Variants in MCF2L observed in about 807,000 individuals in gnomAD.
MCF2L encodes guanine nucleotide exchange factor DBS.
A neutral mutation model predicts 153.4 loss-of-function variants in MCF2L; 97 were observed. That is an observed-to-expected ratio of 0.63 (90% CI 0.54 to 0.75). The LOEUF is 0.75. Ranked by LOEUF, MCF2L falls within the 30% of genes least tolerant of loss-of-function variation. MCF2L has a pLI of 0.00. For synonymous variants in MCF2L, 659 were observed against 632.2 expected (o/e 1.04, Z -0.64); for missense variants, 1,347 against 1,495.2 (o/e 0.90, Z 1.64).
Position 113,027,002 on chromosome 13 carries a change from G to A in MCF2L, c.278+2244G>A. ...GAGAATGTCAGCCTCACACCAGACA[G>A]TGTAGTTGCTGCTTCCATTTGGGGT... On this transcript the variant is annotated intron_variant, in intron 3 of 29. Coordinates refer to ENST00000535094, the MANE Select transcript of MCF2L (RefSeq NM_001112732.3). This position sits in a 1 kb window ranked among gnomAD's most constrained non-coding sequence, Gnocchi z 4.8. The A allele has an allele frequency of 1.3e-6, 1 of 779,060 alleles. No homozygotes were observed. The highest frequency in any genetic ancestry group is 1.3e-5 in the South Asian group (1 of 74,338). The allele number at this position is 779,060 out of a possible 1,614,324, so 48.3% of individuals were successfully genotyped here.
intron 2 of MCF2L, among the ~76,000 whole-genome samples, chr13:112,929,268 C>T (rs1006557577): frequency 2.6e-5 from 4 of 152,184 alleles, no homozygotes; most frequent in Non-Finnish European, 5.9e-5. Flanking sequence ...GGGGTGTTTG[C>T]TCTTTATTCC....
At chr13:112,918,373 G>C (rs114100665) in intron 2 of MCF2L, among the ~76,000 whole-genome samples, 100 of 152,336 alleles carry the variant, frequency 6.6e-4, no homozygotes, top group African/African-American at 2.2e-3. Context: ...GGGAACTCCA[G>C]TAGACTGGGA....
At chr13:112,994,589 G>A (rs764536230) in intron 1 of MCF2L, among the ~76,000 whole-genome samples, 1 of 152,262 alleles carries the variant, frequency 6.6e-6, no homozygotes, top group African/African-American at 2.4e-5. Flanking sequence ...GCTGGTCAGG[G>A]ATGTGGCTGC....
At chr13:113,095,084 T>C (rs1358891024) in intron 27 of MCF2L, 2 of 1,363,270 alleles carry the variant, frequency 1.5e-6, no homozygotes, top group Non-Finnish European at 9.8e-7. Context: ...TTCCTAACTA[T>C]ACATACAATT....
chr13:112,992,779 G>C (rs2082943574), intron 1 of MCF2L, among the ~76,000 whole-genome samples: 1 of 152,156 alleles, frequency 6.6e-6, no homozygotes, highest in Non-Finnish European at 1.5e-5. Context: ...ATTGCATTAG[G>C]TCTCCTATAC....
chr13:112,963,552 G>A (rs1158135902), intron 2 of MCF2L, among the ~76,000 whole-genome samples: 2 of 152,196 alleles, frequency 1.3e-5, no homozygotes, highest in African/African-American at 4.8e-5. Context: ...CCCTGCACCT[G>A]TGTCTCCAGC....
At chr13:112,895,010 C>T (rs1421273208) in intron 1 of MCF2L, among the ~76,000 whole-genome samples, 3 of 152,052 alleles carry the variant, frequency 2.0e-5, no homozygotes, top group South Asian at 2.1e-4. Context: ...CCTGCTTGTC[C>T]CGGGCCAGGG....
intron 16 of MCF2L, among the ~76,000 whole-genome samples, chr13:113,081,948 G>A (rs1406894105): frequency 6.7e-6 from 1 of 150,264 alleles, no homozygotes; most frequent in Non-Finnish European, 1.5e-5. Context: ...TCACCTGAGT[G>A]TAGACAGCGA....
intron 2 of MCF2L, chr13:112,909,411 G>A: frequency 1.4e-6 from 1 of 733,530 alleles, no homozygotes; most frequent in Non-Finnish European, 2.5e-6. Context: ...GGGGCTGTCT[G>A]CAGGGGTTTG....
At chr13:112,933,532 G>A (rs1477059571) in intron 2 of MCF2L, among the ~76,000 whole-genome samples, 1 of 152,242 alleles carries the variant, frequency 6.6e-6, no homozygotes, top group Non-Finnish European at 1.5e-5. Context: ...GACAGCCCTG[G>A]CCCTGCTGCA....
chr13:113,026,571 C>T (rs543742053), intron 3 of MCF2L, among the ~76,000 whole-genome samples: 2 of 152,328 alleles, frequency 1.3e-5, no homozygotes, highest in South Asian at 2.1e-4. Flanking sequence ...CATGCCTGTT[C>T]GATCAGCAGA....
rs373815067 is a variant in MCF2L at position 113,091,938 on chromosome 13, C to T, written c.2953+2210C>T. ...TCCACAGCCTCCTCACATGACACAGCGAGCCTCACAGAACCAGGCAGAAGC... is the reference window on the plus strand; with the variant it reads ...TCCACAGCCTCCTCACATGACACAGTGAGCCTCACAGAACCAGGCAGAAGC... On this transcript the variant is annotated intron_variant, in intron 26 of 29. Coordinates refer to ENST00000535094, the MANE Select transcript of MCF2L (RefSeq NM_001112732.3). 2.0e-5 allele frequency among the ~76,000 whole-genome samples: 3 copies of T among 152,312 alleles called. No individual in the cohort carries two copies. The South Asian group carries it at 6.2e-4, about 32-fold the overall frequency.
rs111234508 is a variant in MCF2L at position 113,002,017 on chromosome 13, G to A, written c.80-12746G>A. The A allele has an allele frequency of 2.3e-3, 3,482 of 1,527,788 alleles. 74 individuals are homozygous for A. In the African/African-American group the frequency reaches 0.043, roughly 19 times the overall value. The allele number at this position is 1,527,788 out of a possible 1,614,324, so 94.6% of individuals were successfully genotyped here. On this transcript the variant is annotated intron_variant, in intron 1 of 29. Transcript: ENST00000535094. Reference sequence around the variant, plus strand: ...GGCGCGGGCGGGTCCTCGCCTCCCCGGAAGGTGTTGTGGGGCGACAGTGCG... The same window carrying A: ...GGCGCGGGCGGGTCCTCGCCTCCCCAGAAGGTGTTGTGGGGCGACAGTGCG...
intron 2 of MCF2L, among the ~76,000 whole-genome samples, chr13:112,923,110 C>G (rs759391429): frequency 1.3e-5 from 2 of 152,142 alleles, no homozygotes; most frequent in Admixed American, 1.3e-4. Flanking sequence ...ATAAGACACT[C>G]AGATTCCTCA....
intron 3 of MCF2L, among the ~76,000 whole-genome samples, chr13:113,034,582 T>C (rs1235133487): frequency 1.3e-5 from 2 of 149,862 alleles, no homozygotes; most frequent in Non-Finnish European, 3.0e-5. Context: ...ACCTTCTCCC[T>C]CGCCCTGGTC....
In MCF2L at chr13:112,914,777, T is replaced by C. The variant is rs148401538; in HGVS notation, c.169+12406T>C. ...TATTTTAGCTGGGTTGCTAATCTTT[T>C]AATGTTTTCTAGGCGCTTTTCATAA... On this transcript the variant is annotated intron_variant, in intron 2 of 29. Transcript: ENST00000375608. 4.7e-3 allele frequency among the ~76,000 whole-genome samples: 713 copies of C among 152,364 alleles called. 4 individuals are homozygous for C. The highest frequency in any genetic ancestry group is 0.016 in the African/African-American group (670 of 41,590).
intron 4 of MCF2L, among the ~76,000 whole-genome samples, chr13:113,057,969 TTTGGGTGCTGAGTG>T (rs1437356467): frequency 7.7e-6 from 1 of 130,132 alleles, no homozygotes; most frequent in African/African-American, 3.0e-5. Flanking sequence ...TTTGGCACTG[TTTGGGTGCTGAGTG>T]TTGGGTGCTG....
intron 1 of MCF2L, among the ~76,000 whole-genome samples, chr13:112,897,269 C>A (rs1036163056): frequency 9.9e-5 from 15 of 152,164 alleles, no homozygotes; most frequent in Non-Finnish European, 1.9e-4. Flanking sequence ...ACGGTATGGC[C>A]ACCGAGAAGC....
At chr13:113,078,510 G>C (rs2033755322) in intron 14 of MCF2L, 74 bp downstream of exon 14, 12 of 1,448,162 alleles carry the variant, frequency 8.3e-6, no homozygotes, top group Non-Finnish European at 1.1e-5. Flanking sequence ...TTCTCCGTGT[G>C]GCCCCCCCTC....
Sources: gnomAD v4.1 joint callset for allele counts (sites outside exome capture counted in the v4.1 genomes callset) on GRCh38, gnomAD v4.1.1 for gene constraint, Gnocchi (gnomAD v3.1) non-coding constraint, MANE v1.5 for transcripts, NCBI Gene and HGNC (gene_info 2026-07-23, HGNC 2026-07-21) for gene names.